The following RANBP3 variants were observed in gnomAD, a reference collection of about 807,000 sequenced individuals.
RANBP3 encodes RAN binding protein 3.
In RANBP3, 14 loss-of-function variants were observed where a neutral mutation model predicts 77.3. The ratio of observed to expected loss-of-function variants is 0.18; its 90% CI spans 0.12 to 0.28. The LOEUF is 0.28. Among genes scored for constraint, RANBP3 ranks in the 10% least tolerant of loss-of-function variants. The pLI, the probability that RANBP3 is intolerant of heterozygous loss-of-function variation, is 1.00. For synonymous variants in RANBP3, 315 were observed against 312.4 expected, an observed-to-expected ratio of 1.01 and a Z score of -0.09; for missense variants, 586 against 752.3, an observed-to-expected ratio of 0.78 and a Z score of 2.59.
At chr19:5,926,406 C>T (rs1051630015) in intron 9 of RANBP3, among the ~76,000 whole-genome samples, 2 of 152,116 alleles carry the variant, frequency 1.3e-5, no homozygotes, top group Non-Finnish European at 2.9e-5. Context: ...AAAAAATTAG[C>T]TGGATGTGGC....
At chr19:5,919,064 T>A (rs2057783405) in intron 14 of RANBP3, among the ~76,000 whole-genome samples, 1 of 152,120 alleles carries the variant, frequency 6.6e-6, no homozygotes. Flanking sequence ...TCTGTGTGTG[T>A]GAGACATCGG....
intron 3 of RANBP3, among the ~76,000 whole-genome samples, chr19:5,944,274 G>A (rs1444716058): frequency 6.6e-6 from 1 of 152,234 alleles, no homozygotes; most frequent in African/African-American, 2.4e-5. Context: ...GGTGCAGCCA[G>A]GAGGCGAGGG....
At chr19:5,928,127 T>C (rs548032356) in intron 8 of RANBP3, 40 bp from the exon 9 acceptor site, 1 of 1,593,492 alleles carries the variant, frequency 6.3e-7, no homozygotes, top group Admixed American at 1.8e-5. Context: ...TCAAAACCAG[T>C]GCCACACTTG....
At chr19:5,922,450 C>G (rs2057834857) in intron 13 of RANBP3, among the ~76,000 whole-genome samples, 1 of 152,276 alleles carries the variant, frequency 6.6e-6, no homozygotes, top group South Asian at 2.1e-4. Context: ...GGATGCTGCC[C>G]AAGCCGGGTG....
At position 5,958,944 on chromosome 19, in the gene RANBP3, G is replaced by A. The variant is rs1350931044; in HGVS notation, c.23-971C>T. On this transcript the variant is annotated intron_variant, in intron 1 of 16. Transcript: ENST00000340578. This position sits in a 1 kb window ranked among gnomAD's most constrained non-coding sequence, Gnocchi z 4.4. ...CTCCGCGTTGAGCAGGGTTTGGGAA[G>A]AGCCCTGCCTTCGCAGGCCCCCCGA... 6.6e-6 allele frequency among the ~76,000 whole-genome samples: 1 copy of A among 152,254 alleles called. No individual in the cohort carries two copies. The highest frequency in any genetic ancestry group is 2.4e-5 in the African/African-American group (1 of 41,476).
At chr19:5,923,667 C>T (rs2057859075) in intron 12 of RANBP3, 145 bp downstream of exon 12, 1 of 654,438 alleles carries the variant, frequency 1.5e-6, no homozygotes, top group African/African-American at 1.8e-5. Context: ...CACTGCAAGG[C>T]AGGGCCCTGG....
intron 3 of RANBP3, among the ~76,000 whole-genome samples, chr19:5,945,923 C>G (rs942396714): frequency 1.3e-5 from 2 of 152,024 alleles, no homozygotes; most frequent in African/African-American, 4.8e-5. Flanking sequence ...TCCAACCTGC[C>G]AGCAAGTCCC....
intron 1 of RANBP3, among the ~76,000 whole-genome samples, chr19:5,961,250 T>C (rs145134461): frequency 0.026 from 3,827 of 148,236 alleles, 160 homozygotes; most frequent in African/African-American, 0.092. Flanking sequence ...GAGACCATCC[T>C]GGCTAACACG....
At chr19:5,927,943 T>A (rs202191604) in intron 9 of RANBP3, 25 bp downstream of exon 9, 17 of 1,584,174 alleles carry the variant, frequency 1.1e-5, no homozygotes, top group Non-Finnish European at 1.5e-5. Flanking sequence ...AAAAAGTCAA[T>A]GTGCTGGTTC....
At chr19:5,947,147 C>A (rs2058215515) in intron 3 of RANBP3, among the ~76,000 whole-genome samples, 3 of 151,924 alleles carry the variant, frequency 2.0e-5, no homozygotes, top group Admixed American at 2.0e-4. Flanking sequence ...AACCCCGTCT[C>A]TACTAAAAAT....
Position 5,958,825 on chromosome 19 carries a change from A to T in RANBP3, c.23-852T>A, listed in dbSNP as rs1599781066. Among the ~76,000 whole-genome samples, 1 of 152,214 alleles carries T rather than the reference A, an allele frequency of 6.6e-6. No individual in the cohort carries two copies. Among genetic ancestry groups the T allele is most frequent in the East Asian group, 1.9e-4 (1 of 5,194 alleles). On this transcript the variant is annotated intron_variant, in intron 1 of 16. Coordinates refer to ENST00000340578, the MANE Select transcript of RANBP3 (RefSeq NM_007322.3). The surrounding 1 kb of genome is among the most constrained non-coding windows in gnomAD (Gnocchi z 4.4). ...GGGTGCTCCCAGGGCCTCTTTCACC[A>T]TTCAGGGCACTGAGGGCCTAGCGTG...
At chr19:5,956,101 C>T (rs1031817223) in intron 2 of RANBP3, among the ~76,000 whole-genome samples, 5 of 152,022 alleles carry the variant, frequency 3.3e-5, no homozygotes, top group East Asian at 3.9e-4. Context: ...AGTGAGGCTC[C>T]GTCTCTCAAA....
intron 1 of RANBP3, among the ~76,000 whole-genome samples, chr19:5,964,043 T>C (rs867191701): frequency 1.8e-4 from 28 of 151,990 alleles, no homozygotes; most frequent in African/African-American, 6.8e-4. Context: ...CTGAAAGGAG[T>C]GAGCCCCTGC....
chr19:5,939,773 G>C (rs1229057588), intron 5 of RANBP3, among the ~76,000 whole-genome samples: 1 of 151,672 alleles, frequency 6.6e-6, no homozygotes, highest in Non-Finnish European at 1.5e-5. Context: ...ACTCTTTACA[G>C]CACTACGAGG....
At chr19:5,967,637 C>T (rs989427482) in intron 1 of RANBP3, among the ~76,000 whole-genome samples, 4 of 152,186 alleles carry the variant, frequency 2.6e-5, no homozygotes, top group East Asian at 1.9e-4. Context: ...TCCACTCCTG[C>T]GCCACCCAGA....
At chr19:5,973,423 G>A (rs1015748881) in intron 1 of RANBP3, among the ~76,000 whole-genome samples, 1 of 152,230 alleles carries the variant, frequency 6.6e-6, no homozygotes, top group African/African-American at 2.4e-5. Context: ...GACTGGCGGG[G>A]ATGAGGAGGG....
At chr19:5,966,885 ATCT>A (rs1307056471) in intron 1 of RANBP3, among the ~76,000 whole-genome samples, 1 of 152,250 alleles carries the variant, frequency 6.6e-6, no homozygotes, top group African/African-American at 2.4e-5. Context: ...ATATGTCTTA[ATCT>A]TCTTACCTGT....
At chr19:5,941,535 A>AC in intron 5 of RANBP3, 86 bp downstream of exon 5, 1 of 1,208,864 alleles carries the variant, frequency 8.3e-7, no homozygotes. Context: ...CAGGAAGGAC[A>AC]CAGCAGACGG....
chr19:5,917,306 G>T lies in RANBP3; in HGVS notation c.*304C>A. On this transcript the variant is annotated 3_prime_UTR_variant, in exon 17 of 17. Coordinates refer to ENST00000340578, the MANE Select transcript of RANBP3 (RefSeq NM_007322.3). ...GGCGACACGCGGGGTGAAGGAACGA[G>T]GTCTCCAGTCCCAGTGAGAAGCCGT... The T allele has an allele frequency of 2.2e-6, 1 of 454,906 alleles. No individual in the cohort carries two copies. Among genetic ancestry groups the T allele is most frequent in the Non-Finnish European group, 3.9e-6 (1 of 253,976 alleles). The allele number at this position is 454,906 out of a possible 1,614,324, so 28.2% of individuals were successfully genotyped here.
Sources: gnomAD v4.1 joint callset for allele counts (sites outside exome capture counted in the v4.1 genomes callset) on GRCh38, gnomAD v4.1.1 for gene constraint, Gnocchi (gnomAD v3.1) non-coding constraint, MANE v1.5 for transcripts, NCBI Gene and HGNC (gene_info 2026-07-23, HGNC 2026-07-21) for gene names.